Variants in IFT80 observed in about 807,000 individuals in gnomAD.
IFT80 encodes the protein intraflagellar transport protein 80 homolog.
Under a neutral mutation model 107.9 loss-of-function variants are expected in IFT80, and 79 were observed. That is an observed-to-expected ratio of 0.73 (90% CI 0.61 to 0.88). IFT80 has a LOEUF of 0.88. IFT80 is among the 40% of genes least tolerant of loss of function. The pLI, the probability that IFT80 is intolerant of heterozygous loss-of-function variation, is 0.00. For missense variants in IFT80, 797 were observed against 914.2 expected (o/e 0.87, Z 1.65); for synonymous variants, 299 against 300.9 (o/e 0.99, Z 0.07).
chr3:160,312,824 A>G (rs1179711627), intron 9 of IFT80, among the ~76,000 whole-genome samples: 1 of 34,570 alleles, frequency 2.9e-5, no homozygotes, highest in Non-Finnish European at 5.0e-5. Context: ...ATAAATATAT[A>G]ATATATATAT....
At chr3:160,327,214 T>C (rs532195294) in intron 8 of IFT80, among the ~76,000 whole-genome samples, 2 of 152,274 alleles carry the variant, frequency 1.3e-5, no homozygotes, top group South Asian at 4.1e-4. Context: ...TGCTCATGGA[T>C]AGGAAGAATC....
chr3:160,277,244 T>A, intron 18 of IFT80, 62 bp downstream of exon 18: 1 of 1,370,930 alleles, frequency 7.3e-7, no homozygotes, highest in Non-Finnish European at 1.0e-6. Context: ...TACTAAGTGG[T>A]AGATGGAAAA....
At chr3:160,383,431 A>C in intron 2 of IFT80, 1 of 955,334 alleles carries the variant, frequency 1.0e-6, no homozygotes, top group Non-Finnish European at 1.2e-6. Context: ...AAATGAAAAC[A>C]CCTACCAATT....
intron 12 of IFT80, among the ~76,000 whole-genome samples, chr3:160,294,535 C>G (rs948930264): frequency 1.3e-5 from 2 of 152,188 alleles, no homozygotes; most frequent in African/African-American, 4.8e-5. Flanking sequence ...TTTGGCATCG[C>G]ACTAACTCTG....
intron 10 of IFT80, among the ~76,000 whole-genome samples, chr3:160,304,466 C>T (rs1243346509): frequency 2.8e-5 from 4 of 141,276 alleles, no homozygotes; most frequent in Non-Finnish European, 4.6e-5. Flanking sequence ...GATGGAGTCT[C>T]GCTCTGTCGC....
At chr3:160,354,187 G>A (rs1442871505) in intron 8 of IFT80, among the ~76,000 whole-genome samples, 1 of 152,162 alleles carries the variant, frequency 6.6e-6, no homozygotes, top group Admixed American at 6.5e-5. Flanking sequence ...GGGAAAATCA[G>A]AGGTAAAAGC....
At chr3:160,375,623 T>C (rs1362241401) in intron 5 of IFT80, among the ~76,000 whole-genome samples, 189 bp downstream of exon 5, 1 of 152,050 alleles carries the variant, frequency 6.6e-6, no homozygotes, top group African/African-American at 2.4e-5. Flanking sequence ...CTTGAAATAA[T>C]AGTGTTACCA....
At chr3:160,363,369 A>G (rs1020020260) in intron 6 of IFT80, among the ~76,000 whole-genome samples, 1 of 152,198 alleles carries the variant, frequency 6.6e-6, no homozygotes, top group Non-Finnish European at 1.5e-5. Flanking sequence ...AAAGGAGGAC[A>G]CAAACAAATG....
Position 160,357,556 on chromosome 3 carries a change from A to T in IFT80, c.572T>A (p.Ile191Asn), listed in dbSNP as rs372576954. ...GACCGAGTTCCAATCTACTTTTAAA[A>T]TAATGCCATCATGAGCTTTCCACTG... ...VLQWKAHDGIILKVDWNSVND... is the reference protein window; with the variant it reads ...VLQWKAHDGINLKVDWNSVND... The change falls in exon 7 of 20, where the codon ATT becomes AAT. Residue 191 changes from isoleucine to asparagine, a missense_variant. Coordinates refer to ENST00000326448, the MANE Select transcript of IFT80 (RefSeq NM_020800.3). The T allele has an allele frequency of 3.1e-6, 5 of 1,598,686 alleles. No homozygotes were observed. Among genetic ancestry groups the T allele is most frequent in the Non-Finnish European group, 4.3e-6 (5 of 1,166,288 alleles).
chr3:160,298,856 TACC>T (rs1246884476), intron 12 of IFT80, among the ~76,000 whole-genome samples: 3 of 152,146 alleles, frequency 2.0e-5, no homozygotes, highest in Non-Finnish European at 4.4e-5. Context: ...GGTATTTGTG[TACC>T]TAACCACGTC....
At chr3:160,349,190 A>C (rs1720497097) in intron 8 of IFT80, among the ~76,000 whole-genome samples, 1 of 152,096 alleles carries the variant, frequency 6.6e-6, no homozygotes, top group Non-Finnish European at 1.5e-5. Flanking sequence ...GGCTCACCCT[A>C]TAATCCCAGC....
intron 11 of IFT80, among the ~76,000 whole-genome samples, chr3:160,302,297 A>G (rs1716488764): frequency 6.6e-6 from 1 of 152,098 alleles, no homozygotes; most frequent in Admixed American, 6.6e-5. Flanking sequence ...ATACACTTCA[A>G]TTAAATTAAT....
chr3:160,325,325 C>T (rs1269364265), intron 8 of IFT80, among the ~76,000 whole-genome samples: 1 of 152,144 alleles, frequency 6.6e-6, no homozygotes, highest in Non-Finnish European at 1.5e-5. Flanking sequence ...ATCGCTAAGT[C>T]AATCCTAAGC....
chr3:160,347,469 A>G (rs936939310), intron 8 of IFT80, among the ~76,000 whole-genome samples: 1 of 152,138 alleles, frequency 6.6e-6, no homozygotes, highest in Non-Finnish European at 1.5e-5. Flanking sequence ...TTTACTGAAG[A>G]AAGTTTTAAA....
chr3:160,317,335 A>G (rs559848509), intron 9 of IFT80, among the ~76,000 whole-genome samples: 4 of 152,272 alleles, frequency 2.6e-5, no homozygotes, highest in South Asian at 2.1e-4. Context: ...TTAAAAATTT[A>G]TAAATATTAT....
intron 5 of IFT80, among the ~76,000 whole-genome samples, chr3:160,374,130 T>C (rs1711793309): frequency 2.0e-5 from 3 of 152,030 alleles, no homozygotes. Flanking sequence ...GGGAGGGCAC[T>C]GGTGAAGGGT....
intron 13 of IFT80, among the ~76,000 whole-genome samples, chr3:160,285,316 A>G (rs1576751991): frequency 6.6e-6 from 1 of 152,240 alleles, no homozygotes; most frequent in Non-Finnish European, 1.5e-5. Context: ...ACTCAATGCA[A>G]TGTGCTTCTT....
rs1025017415 is a variant in IFT80 at position 160,257,473 on chromosome 3, G to C, written c.*1052C>G. The C allele has an allele frequency of 6.6e-6, 1 of 152,080 alleles. No homozygotes were observed. The highest frequency in any genetic ancestry group is 1.5e-5 in the Non-Finnish European group (1 of 68,016). The allele number at this position is 152,080 out of a possible 1,614,324, so 9.4% of individuals were successfully genotyped here. A position where few individuals can be genotyped will look rare whatever the true frequency, so the allele number is the denominator to read the frequency against. ...TACACTAAATAGAGTAATCAAACAA[G>C]TTTGTCACCCAAGGAAATTTTCACA... On this transcript the variant is annotated 3_prime_UTR_variant, in exon 20 of 20. Transcript: ENST00000326448.
intron 6 of IFT80, 131 bp downstream of exon 6, chr3:160,365,912 C>A: frequency 1.4e-6 from 1 of 727,544 alleles, no homozygotes. Flanking sequence ...GTAATAAAGG[C>A]TGATTAAACC....
Sources: gnomAD v4.1 joint callset for allele counts (sites outside exome capture counted in the v4.1 genomes callset) on GRCh38, gnomAD v4.1.1 for gene constraint, MANE v1.5 for transcripts, NCBI Gene and HGNC (gene_info 2026-07-23, HGNC 2026-07-21) for gene names.